Variants in NPAS2 observed in about 807,000 individuals in gnomAD.
The protein encoded by NPAS2 is neuronal PAS domain-containing protein 2.
NPAS2 carries 23 observed loss-of-function variants against 107.5 expected under a neutral mutation model. The observed-to-expected ratio is 0.21, with a 90% confidence interval of 0.15 to 0.30. The LOEUF is 0.30. NPAS2 is among the 10% of genes least tolerant of loss of function. The pLI, the probability that NPAS2 is intolerant of heterozygous loss-of-function variation, is 1.00. For synonymous variants in NPAS2, 403 were observed against 417.5 expected, an observed-to-expected ratio of 0.97 and a Z score of 0.42; for missense variants, 756 against 1,043.3, an observed-to-expected ratio of 0.72 and a Z score of 3.79.
chr2:100,855,817 C>T (rs1364771936), intron 1 of NPAS2, among the ~76,000 whole-genome samples: 2 of 152,186 alleles, frequency 1.3e-5, no homozygotes, highest in Non-Finnish European at 2.9e-5. Context: ...TGCTGCATGT[C>T]TGATGAATCA....
chr2:100,901,198 G>C (rs889992934), intron 1 of NPAS2, among the ~76,000 whole-genome samples: 1 of 152,138 alleles, frequency 6.6e-6, no homozygotes, highest in African/African-American at 2.4e-5. Context: ...GGTTACCTGA[G>C]GTGGGGAACG....
chr2:100,968,398 A>G lies in NPAS2; in HGVS notation c.1025A>G (p.Glu342Gly). ...ITYHQWNSKP[E>G]FIVCTHSVVS... ...TACCATCAGTGGAACTCCAAGCCCGAGTTCATCGTGTGCACACACTCGGTG... is the reference window on the plus strand; with the variant it reads ...TACCATCAGTGGAACTCCAAGCCCGGGTTCATCGTGTGCACACACTCGGTG... Residue 342 changes from glutamate to glycine, a missense_variant, in exon 11 of 21, where the codon GAG becomes GGG. Around this residue, in one of 4 missense-constraint regions of NPAS2, gnomAD observed 84 missense variants for 175.5 expected, o/e 0.48. Transcript: ENST00000335681. The surrounding 1 kb of genome is among the most constrained non-coding windows in gnomAD (Gnocchi z 5.3). The G allele has an allele frequency of 6.2e-7, 1 of 1,614,036 alleles. No individual in the cohort carries two copies. Among genetic ancestry groups the G allele is most frequent in the Non-Finnish European group, 8.5e-7 (1 of 1,179,992 alleles).
intron 4 of NPAS2, among the ~76,000 whole-genome samples, chr2:100,933,540 C>T (rs1217585305): frequency 6.6e-6 from 1 of 152,192 alleles, no homozygotes; most frequent in African/African-American, 2.4e-5. Context: ...CCTTTCTGTG[C>T]TGAGTGAGAT....
rs1328797176 is a variant in NPAS2 at position 100,937,749 on chromosome 2, A to G, written c.274-4A>G. The G allele has an allele frequency of 1.9e-6, 3 of 1,612,590 alleles. No individual in the cohort carries two copies. The highest frequency in any genetic ancestry group is 2.5e-6 in the Non-Finnish European group (3 of 1,178,666). ...GGAGCTTTCAAATGTTGCATTTTCC[A>G]CAGGCATTAGATGGCTTCATTATCG... On this transcript the variant is annotated splice_polypyrimidine_tract_variant and splice_region_variant and intron_variant, in intron 4 of 20. Transcript: ENST00000335681.
At chr2:100,959,105 A>AC (rs1393811651) in intron 7 of NPAS2, among the ~76,000 whole-genome samples, 1 of 61,688 alleles carries the variant, frequency 1.6e-5, no homozygotes, top group African/African-American at 4.9e-5. Flanking sequence ...AAAAAAAAAA[A>AC]AAAACAAAAC....
intron 2 of NPAS2, among the ~76,000 whole-genome samples, chr2:100,920,464 GGTCT>G (rs1473995927): frequency 6.6e-6 from 1 of 152,062 alleles, no homozygotes; most frequent in Non-Finnish European, 1.5e-5. Flanking sequence ...CTTCCCTGGA[GGTCT>G]GTCTGTATTG....
chr2:100,932,171 A>G (rs897749673), intron 3 of NPAS2, among the ~76,000 whole-genome samples: 1 of 152,268 alleles, frequency 6.6e-6, no homozygotes. Context: ...TGAGCCACCT[A>G]TAATTATCTT....
chr2:100,834,574 A>G lies in NPAS2; in HGVS notation c.-23+14160A>G, dbSNP rs528708052. Among the ~76,000 whole-genome samples the G allele has an allele frequency of 5.9e-5, 9 of 152,290 alleles. No individual in the cohort carries two copies. In the South Asian group the frequency reaches 1.7e-3, roughly 28 times the overall value. On this transcript the variant is annotated intron_variant, in intron 1 of 20. Transcript: ENST00000335681. ...TGCCTACTTACTTGACCAGCTTTTA[A>G]TAGTGCTTCTCATGTATGCCAGGCG... is the stretch of plus-strand genomic sequence containing the variant.
chr2:100,991,238 T>G (rs551198622), intron 19 of NPAS2, among the ~76,000 whole-genome samples: 23 of 152,196 alleles, frequency 1.5e-4, no homozygotes, highest in African/African-American at 5.5e-4. Context: ...GCAGGCACAC[T>G]TGGTGCTCCG....
chr2:100,926,083 G>GT (rs1014294792), intron 3 of NPAS2, among the ~76,000 whole-genome samples: 2 of 152,048 alleles, frequency 1.3e-5, no homozygotes, highest in Non-Finnish European at 2.9e-5. Context: ...TAGCATCTGT[G>GT]TTTTAGCATG....
At chr2:100,841,663 A>G (rs1375707032) in intron 1 of NPAS2, among the ~76,000 whole-genome samples, 2 of 152,038 alleles carry the variant, frequency 1.3e-5, no homozygotes, top group East Asian at 1.9e-4. Flanking sequence ...CCAGAATTCC[A>G]TCTACACACA....
At chr2:100,897,570 G>T (rs545092278) in intron 1 of NPAS2, among the ~76,000 whole-genome samples, 1 of 152,030 alleles carries the variant, frequency 6.6e-6, no homozygotes, top group Non-Finnish European at 1.5e-5. Context: ...TGCTGTCTGG[G>T]GGAGGCACCC....
intron 1 of NPAS2, among the ~76,000 whole-genome samples, chr2:100,883,822 G>T (rs751531781): frequency 1.5e-4 from 23 of 152,154 alleles, no homozygotes; most frequent in Middle Eastern, 6.8e-3. Flanking sequence ...GAAAAGTTTG[G>T]TGCCTCCCCC....
intron 1 of NPAS2, among the ~76,000 whole-genome samples, chr2:100,822,494 C>G (rs899948976): frequency 6.6e-5 from 10 of 152,150 alleles, no homozygotes; most frequent in African/African-American, 2.4e-4. Flanking sequence ...TTTGAACAAT[C>G]TTTCTTAACT....
chr2:100,982,370 A>G lies in NPAS2; in HGVS notation c.1622A>G (p.Asn541Ser), dbSNP rs1431031452. The change falls in exon 16 of 21, where the codon AAC (asparagine) becomes AGC (serine). Residue 541 changes from asparagine (N) to serine (S), a missense_variant. This residue lies in a region of NPAS2 where 496 missense variants were observed against 594.4 expected (regional missense o/e 0.83). Transcript: ENST00000335681. ...QEQLCLVQDS[N>S]VQMFLQQPAV... ...CAGCTCTGCCTGGTCCAGGACTCCA[A>G]CGTCCAGGTGATCCCCTTCCCGGGC... The G allele has an allele frequency of 2.0e-5, 32 of 1,613,816 alleles. No individual in the cohort carries two copies. Among genetic ancestry groups the G allele is most frequent in the East Asian group, 1.6e-4 (7 of 44,888 alleles).
chr2:100,956,858 C>T (rs774618937), intron 7 of NPAS2, among the ~76,000 whole-genome samples: 2 of 152,108 alleles, frequency 1.3e-5, no homozygotes, highest in East Asian at 1.9e-4. Context: ...GGGCTGAGTT[C>T]GTAGGAATTT....
At chr2:100,897,009 C>T (rs765267743) in intron 1 of NPAS2, among the ~76,000 whole-genome samples, 1 of 152,158 alleles carries the variant, frequency 6.6e-6, no homozygotes, top group Non-Finnish European at 1.5e-5. Context: ...CCGCAGGAAA[C>T]TTACAATCAT....
intron 16 of NPAS2, chr2:100,984,482 T>G (rs1214269961): frequency 6.6e-6 from 1 of 152,198 alleles, no homozygotes; most frequent in African/African-American, 2.4e-5. Flanking sequence ...TTTGTATACT[T>G]CTAAAATGTC....
rs1013096392 is a variant in NPAS2, at chr2:100,967,955, C to T, written c.908-326C>T. Among the ~76,000 whole-genome samples the T allele has an allele frequency of 3.3e-5, 5 of 152,190 alleles. 1 individual carries two copies. The highest frequency in any genetic ancestry group is 1.3e-4 in the Admixed American group (2 of 15,278). Reference sequence around the variant, plus strand: ...GCAGCTCCAAAGACAGCTCTGCCTGCGGCGGGAGGATGAGCACCAGGCAAA... The same window carrying T: ...GCAGCTCCAAAGACAGCTCTGCCTGTGGCGGGAGGATGAGCACCAGGCAAA... On this transcript the variant is annotated intron_variant, in intron 10 of 20. Transcript: ENST00000335681.
Sources: gnomAD v4.1 joint callset for allele counts (sites outside exome capture counted in the v4.1 genomes callset) on GRCh38, gnomAD v4.1.1 for gene constraint, gnomAD v4.1.1 regional missense constraint, Gnocchi (gnomAD v3.1) non-coding constraint, MANE v1.5 for transcripts, NCBI Gene and HGNC (gene_info 2026-07-23, HGNC 2026-07-21) for gene names.